The following MGAT5 variants were observed in gnomAD, a reference collection of about 807,000 sequenced individuals.
MGAT5 encodes the protein alpha-1,6-mannosylglycoprotein 6-beta-N-acetylglucosaminyltransferase.
A neutral mutation model predicts 94.3 loss-of-function variants in MGAT5; 30 were observed. The ratio of observed to expected loss-of-function variants is 0.32; its 90% CI spans 0.24 to 0.43. The LOEUF (loss-of-function observed/expected upper bound fraction) is 0.43, where lower values mean the gene tolerates loss of function less well. Among genes scored for constraint, MGAT5 ranks in the 20% least tolerant of loss-of-function variants. MGAT5 has a pLI of 1.00. For synonymous variants in MGAT5, 310 were observed against 322.9 expected, an observed-to-expected ratio of 0.96 and a Z score of 0.43; for missense variants, 691 against 905.5, an observed-to-expected ratio of 0.76 and a Z score of 3.04.
At chr2:134,121,842 T>TC (rs1685607303) in intron 1 of MGAT5, among the ~76,000 whole-genome samples, 1 of 152,178 alleles carries the variant, frequency 6.6e-6, no homozygotes, top group Non-Finnish European at 1.5e-5. Context: ...TGGTTTTTAC[T>TC]CCAAGAGACT....
intron 1 of MGAT5, among the ~76,000 whole-genome samples, chr2:134,204,592 G>A (rs4953909): frequency 0.061 from 9,225 of 152,168 alleles, 395 homozygotes; most frequent in Non-Finnish European, 0.083. Flanking sequence ...GGGAGAGGGA[G>A]TGAGAATGAA....
intron 15 of MGAT5, among the ~76,000 whole-genome samples, chr2:134,443,250 C>T (rs534267993): frequency 5.9e-5 from 9 of 152,052 alleles, no homozygotes; most frequent in East Asian, 3.9e-4. Context: ...AGTGCAGTGG[C>T]GCGATCTTGG....
intron 11 of MGAT5, among the ~76,000 whole-genome samples, chr2:134,403,855 A>C (rs1335083536): frequency 6.6e-6 from 1 of 152,234 alleles, no homozygotes; most frequent in Admixed American, 6.5e-5. Context: ...AGTTCACACC[A>C]TGTGGTGGAG....
chr2:134,248,990 C>G (rs1259343407), intron 1 of MGAT5, among the ~76,000 whole-genome samples: 2 of 151,876 alleles, frequency 1.3e-5, no homozygotes. Flanking sequence ...CCTTCTGAAG[C>G]CAGGCTCCTG....
At chr2:134,193,308 G>A (rs193243678) in intron 1 of MGAT5, among the ~76,000 whole-genome samples, 22 of 151,848 alleles carry the variant, frequency 1.4e-4, no homozygotes, top group Admixed American at 1.3e-3. Context: ...GTAGAGATGG[G>A]GTCTCCCTGT....
intron 9 of MGAT5, among the ~76,000 whole-genome samples, chr2:134,359,454 G>C (rs1679946202): frequency 6.6e-6 from 1 of 152,206 alleles, no homozygotes; most frequent in Admixed American, 6.5e-5. Context: ...ACGGTTATGA[G>C]GTTAAAATGG....
At chr2:134,207,102 G>T (rs980875669) in intron 1 of MGAT5, among the ~76,000 whole-genome samples, 8 of 152,168 alleles carry the variant, frequency 5.3e-5, no homozygotes, top group African/African-American at 1.2e-4. Flanking sequence ...GACTCTTCCA[G>T]CTTCTAGAGT....
intron 1 of MGAT5, among the ~76,000 whole-genome samples, chr2:134,240,948 TG>T (rs1267843697): frequency 6.6e-6 from 1 of 152,258 alleles, no homozygotes; most frequent in Non-Finnish European, 1.5e-5. Flanking sequence ...TTCAAGGTAT[TG>T]GAGATGGCAG....
chr2:134,178,412 C>T (rs1459850857), intron 1 of MGAT5, among the ~76,000 whole-genome samples: 1 of 152,140 alleles, frequency 6.6e-6, no homozygotes, highest in Non-Finnish European at 1.5e-5. Flanking sequence ...ATGGAAAGGG[C>T]ATTGGGTCCT....
chr2:134,154,410 A>C (rs968811947), intron 1 of MGAT5, among the ~76,000 whole-genome samples: 4 of 152,178 alleles, frequency 2.6e-5, no homozygotes, highest in African/African-American at 9.7e-5. Flanking sequence ...TGCCAGGCCT[A>C]TCCATGCTGT....
At chr2:134,397,686 G>A (rs1485585846) in intron 10 of MGAT5, among the ~76,000 whole-genome samples, 1 of 152,166 alleles carries the variant, frequency 6.6e-6, no homozygotes, top group African/African-American at 2.4e-5. Context: ...TGGTTTGTGT[G>A]AGCACTGACT....
chr2:134,316,181 T>C (rs1176265229), intron 2 of MGAT5, among the ~76,000 whole-genome samples: 2 of 152,212 alleles, frequency 1.3e-5, no homozygotes, highest in Non-Finnish European at 2.9e-5. Context: ...CATTCCTACA[T>C]AACAGTGTGA....
intron 11 of MGAT5, among the ~76,000 whole-genome samples, chr2:134,410,496 A>G (rs1157794272): frequency 6.6e-6 from 1 of 152,240 alleles, no homozygotes. Context: ...TTCTAAACAT[A>G]TGAGGCTTTG....
intron 2 of MGAT5, among the ~76,000 whole-genome samples, chr2:134,301,053 C>A (rs1215445497): frequency 6.6e-6 from 1 of 152,148 alleles, no homozygotes; most frequent in East Asian, 1.9e-4. Flanking sequence ...ACTCTCTACT[C>A]TGATTTCAAT....
chr2:134,339,179 T>C (rs936492813), intron 6 of MGAT5, among the ~76,000 whole-genome samples: 1 of 152,204 alleles, frequency 6.6e-6, no homozygotes, highest in Non-Finnish European at 1.5e-5. Context: ...TGCCTAGATC[T>C]CTTGAATTTG....
At chr2:134,163,086 A>G (rs966613589) in intron 1 of MGAT5, among the ~76,000 whole-genome samples, 1 of 152,218 alleles carries the variant, frequency 6.6e-6, no homozygotes, top group Admixed American at 6.5e-5. Flanking sequence ...AGGAGTTGAC[A>G]GTCTGCTTAG....
At chr2:134,123,497 C>T (rs930955325) in intron 1 of MGAT5, among the ~76,000 whole-genome samples, 1 of 152,226 alleles carries the variant, frequency 6.6e-6, no homozygotes, top group Non-Finnish European at 1.5e-5. Context: ...TGCTCTTTCT[C>T]AAGAGGCTTT....
At position 134,163,672 on chromosome 2, in the gene MGAT5, G is replaced by A. The variant is rs138746425; in HGVS notation, c.-143+43381G>A. On this transcript the variant is annotated intron_variant, in intron 1 of 16. Coordinates refer to the MGAT5 transcript ENST00000409645. Reference sequence around the variant, plus strand: ...CATGTGAGTTTATTTTCCCCCAGAAGGATGGATTTGCATTTGTTATTAGAA... The same window carrying A: ...CATGTGAGTTTATTTTCCCCCAGAAAGATGGATTTGCATTTGTTATTAGAA... 1.7e-3 allele frequency among the ~76,000 whole-genome samples: 254 copies of A among 152,310 alleles called. 3 individuals are homozygous for A. Among genetic ancestry groups the A allele is most frequent in the African/African-American group, 5.8e-3 (241 of 41,566 alleles).
chr2:134,336,203 C>A lies in MGAT5; in HGVS notation c.574-14C>A, dbSNP rs1469050920. Reference sequence around the variant, plus strand: ...AGATGAAGCTGCATATTTAGTGTCACTGATGCTTTTTAGGTTGAAAATTGG... The same window carrying A: ...AGATGAAGCTGCATATTTAGTGTCAATGATGCTTTTTAGGTTGAAAATTGG... On this transcript the variant is annotated splice_polypyrimidine_tract_variant and intron_variant, in intron 4 of 15. Coordinates refer to ENST00000281923, the MANE Select transcript of MGAT5 (RefSeq NM_002410.5). 1 of 1,609,128 alleles carries A rather than the reference C, an allele frequency of 6.2e-7. No individual in the cohort carries two copies. Among genetic ancestry groups the A allele is most frequent in the East Asian group, 2.2e-5 (1 of 44,716 alleles).
Sources: gnomAD v4.1 joint callset for allele counts (sites outside exome capture counted in the v4.1 genomes callset) on GRCh38, gnomAD v4.1.1 for gene constraint, MANE v1.5 for transcripts, NCBI Gene and HGNC (gene_info 2026-07-23, HGNC 2026-07-21) for gene names.